The following EYS variants were observed in gnomAD, a reference collection of about 807,000 sequenced individuals.
EYS encodes the protein protein eyes shut homolog.
In EYS, 250 loss-of-function variants were observed where a neutral mutation model predicts 282.1. The ratio of observed to expected loss-of-function variants is 0.89; its 90% CI spans 0.80 to 0.98. The LOEUF is 0.98. Ranked by LOEUF, EYS falls within the 50% of genes least tolerant of loss-of-function variation. The probability of loss-of-function intolerance (pLI) is 0.00; values close to 1 mark genes in which losing one functional copy is unlikely to be tolerated. For synonymous variants in EYS, 1,355 were observed against 1,282.9 expected, an observed-to-expected ratio of 1.06 and a Z score of -1.20; for missense variants, 4,016 against 3,709.0, an observed-to-expected ratio of 1.08 and a Z score of -2.15.
intron 31 of EYS, among the ~76,000 whole-genome samples, chr6:64,101,559 CAA>C (rs35511876): frequency 1.3e-5 from 2 of 148,968 alleles, no homozygotes; most frequent in African/African-American, 4.9e-5. Flanking sequence ...AACTTGGCAA[CAA>C]AAAAAAAATG....
chr6:64,090,541 C>T (rs1035721966), intron 31 of EYS, among the ~76,000 whole-genome samples: 1 of 151,946 alleles, frequency 6.6e-6, no homozygotes, highest in African/African-American at 2.4e-5. Context: ...TTTTGTATGA[C>T]TCACCATGTG....
chr6:65,654,073 T>G (rs1767740528), intron 1 of EYS, among the ~76,000 whole-genome samples: 1 of 151,986 alleles, frequency 6.6e-6, no homozygotes, highest in Admixed American at 6.6e-5. Context: ...TTATACTTAT[T>G]TTTGTTTTTA....
At chr6:64,462,860 T>C (rs1038621108) in intron 26 of EYS, among the ~76,000 whole-genome samples, 1 of 152,098 alleles carries the variant, frequency 6.6e-6, no homozygotes, top group African/African-American at 2.4e-5. Context: ...AATTATTCTA[T>C]ATCTTTCGTT....
At chr6:65,060,233 T>A (rs1178540778) in intron 12 of EYS, among the ~76,000 whole-genome samples, 2 of 99,128 alleles carry the variant, frequency 2.0e-5, no homozygotes, top group African/African-American at 6.1e-5. Context: ...AGGAAGACTT[T>A]TTTTTTTTTT....
chr6:65,508,304 A>T (rs890683636), intron 2 of EYS, among the ~76,000 whole-genome samples: 2 of 152,110 alleles, frequency 1.3e-5, no homozygotes, highest in Non-Finnish European at 2.9e-5. Flanking sequence ...GATATAATCT[A>T]TGATCTATGG....
At chr6:64,395,211 G>T (rs1284743512) in intron 28 of EYS, among the ~76,000 whole-genome samples, 1 of 152,216 alleles carries the variant, frequency 6.6e-6, no homozygotes, top group Non-Finnish European at 1.5e-5. Context: ...AACCATTGTG[G>T]AAGTCAGTGT....
intron 19 of EYS, among the ~76,000 whole-genome samples, chr6:64,882,093 GA>G (rs1488531885): frequency 1.3e-5 from 2 of 151,662 alleles, no homozygotes; most frequent in Non-Finnish European, 3.0e-5. Context: ...AGACAGCTTG[GA>G]CATAGTAAGC....
At chr6:64,221,891 G>A (rs1393956177) in intron 31 of EYS, among the ~76,000 whole-genome samples, 1 of 151,978 alleles carries the variant, frequency 6.6e-6, no homozygotes, top group Non-Finnish European at 1.5e-5. Context: ...TGAGGTTTCA[G>A]GCATCCACTG....
At chr6:64,022,817 C>A (rs915213741) in intron 33 of EYS, among the ~76,000 whole-genome samples, 26 of 152,170 alleles carry the variant, frequency 1.7e-4, no homozygotes, top group African/African-American at 5.8e-4. Context: ...TCCTGAAGAA[C>A]AATACATAAC....
At chr6:64,794,302 G>A (rs1430437423) in intron 22 of EYS, among the ~76,000 whole-genome samples, 3 of 152,134 alleles carry the variant, frequency 2.0e-5, no homozygotes, top group Admixed American at 6.5e-5. Flanking sequence ...GTCTGATATG[G>A]TTTGGCTCTA....
At chr6:63,743,126 C>A (rs765929389) in intron 41 of EYS, among the ~76,000 whole-genome samples, 1 of 152,120 alleles carries the variant, frequency 6.6e-6, no homozygotes, top group Non-Finnish European at 1.5e-5. Context: ...TATATCCCTG[C>A]CAGCATTTGG....
In EYS at chr6:64,133,620, TTTA is replaced by T. The variant is rs564694832; in HGVS notation, c.6425-51621_6425-51619del. Among the ~76,000 whole-genome samples the T allele has an allele frequency of 5.5e-4, 83 of 152,170 alleles. 1 individual carries two copies. The South Asian group carries it at 9.8e-3, about 18-fold the overall frequency. On this transcript the variant is annotated intron_variant, in intron 31 of 42. Transcript: ENST00000503581. ...CACATGTTTTAATGATGTTTTAAACTTTATTTTCTCCATATCTTGTATTTTTAC... is the reference window on the plus strand; with the variant it reads ...CACATGTTTTAATGATGTTTTAAACTTTTTCTCCATATCTTGTATTTTTAC...
chr6:64,897,972 A>G (rs746551715), intron 18 of EYS, among the ~76,000 whole-genome samples: 1 of 152,246 alleles, frequency 6.6e-6, no homozygotes, highest in African/African-American at 2.4e-5. Flanking sequence ...GACTAAACCT[A>G]CATTTGATTG....
At chr6:64,152,450 G>C (rs1475420318) in intron 31 of EYS, among the ~76,000 whole-genome samples, 1 of 152,108 alleles carries the variant, frequency 6.6e-6, no homozygotes, top group Non-Finnish European at 1.5e-5. Context: ...TTTGTGATTA[G>C]ATTTTAGTGC....
intron 31 of EYS, among the ~76,000 whole-genome samples, chr6:64,136,879 C>T (rs1435914165): frequency 6.6e-6 from 1 of 152,088 alleles, no homozygotes; most frequent in African/African-American, 2.4e-5. Context: ...CTTAAAGTCA[C>T]CACCTGCAAG....
At chr6:65,347,015 A>G (rs916508896) in intron 9 of EYS, among the ~76,000 whole-genome samples, 5 of 151,802 alleles carry the variant, frequency 3.3e-5, no homozygotes, top group Non-Finnish European at 5.9e-5. Context: ...AATTACACCT[A>G]TATTATTTAG....
chr6:65,341,019 A>G (rs1432865790), intron 10 of EYS, among the ~76,000 whole-genome samples: 1 of 151,070 alleles, frequency 6.6e-6, no homozygotes, highest in Admixed American at 6.6e-5. Flanking sequence ...TTGTTTCTTA[A>G]GAATAAAAAA....
intron 29 of EYS, among the ~76,000 whole-genome samples, chr6:64,385,952 T>C (rs550267352): frequency 1.1e-4 from 17 of 152,310 alleles, no homozygotes; most frequent in African/African-American, 4.1e-4. Context: ...ACCTCTTTCT[T>C]AGCCTAGTTC....
intron 26 of EYS, among the ~76,000 whole-genome samples, chr6:64,452,475 C>T (rs112861077): frequency 0.022 from 3,331 of 152,194 alleles, 141 homozygotes; most frequent in African/African-American, 0.075. Context: ...ATCAAGCTAC[C>T]AATGGCTTTC....
Sources: allele counts gnomAD v4.1 joint callset (sites outside exome capture counted in the v4.1 genomes callset), GRCh38; gene constraint gnomAD v4.1.1; transcripts MANE v1.5; gene names NCBI Gene and HGNC (gene_info 2026-07-23, HGNC 2026-07-21).